The following NKAIN2 variants were observed in gnomAD, a reference collection of about 807,000 sequenced individuals.
NKAIN2 encodes the protein sodium/potassium transporting ATPase interacting 2, also known as sodium/potassium-transporting ATPase subunit beta-1-interacting protein 2.
A neutral mutation model predicts 32.6 loss-of-function variants in NKAIN2; 14 were observed. The ratio of observed to expected loss-of-function variants is 0.43; its 90% CI spans 0.28 to 0.67. The LOEUF is 0.67. Ranked by LOEUF, NKAIN2 falls within the 30% of genes least tolerant of loss-of-function variation. The pLI is 0.17. For missense variants in NKAIN2, 198 were observed against 258.3 expected, an observed-to-expected ratio of 0.77 and a Z score of 1.60; for synonymous variants, 80 against 87.2, an observed-to-expected ratio of 0.92 and a Z score of 0.46.
At chr6:124,244,616 A>G (rs1289576620) in intron 1 of NKAIN2, among the ~76,000 whole-genome samples, 4 of 151,978 alleles carry the variant, frequency 2.6e-5, no homozygotes, top group Non-Finnish European at 4.4e-5. Flanking sequence ...CAAAATACAA[A>G]CGGGTATCCA....
chr6:124,656,450 C>G (rs762355853), intron 3 of NKAIN2, among the ~76,000 whole-genome samples: 1 of 151,974 alleles, frequency 6.6e-6, no homozygotes, highest in Non-Finnish European at 1.5e-5. Flanking sequence ...GATCTCAGAC[C>G]CCACCATGCT....
chr6:124,435,215 A>G (rs1473599506), intron 3 of NKAIN2, among the ~76,000 whole-genome samples: 1 of 152,148 alleles, frequency 6.6e-6, no homozygotes, highest in African/African-American at 2.4e-5. Flanking sequence ...GCGTTCCCAG[A>G]CAAGAAATAG....
intron 1 of NKAIN2, among the ~76,000 whole-genome samples, chr6:123,911,880 C>T (rs1377016582): frequency 1.4e-5 from 2 of 147,144 alleles, no homozygotes; most frequent in Non-Finnish European, 3.0e-5. Flanking sequence ...CCCCAACCCC[C>T]AAGGGCATAT....
rs536521175 is a variant in NKAIN2, at chr6:123,983,435, T to C, written c.54+179181T>C. 1.1e-4 allele frequency among the ~76,000 whole-genome samples: 17 copies of C among 152,300 alleles called. 1 individual carries two copies. In the South Asian group the frequency reaches 3.5e-3, roughly 32 times the overall value. ...ATACAGTGCCCTTCCAGCCATACAA[T>C]TCTATGTCTGCAGACATCTGTGCAA... On this transcript the variant is annotated intron_variant, in intron 1 of 6. Transcript: ENST00000368417.
intron 1 of NKAIN2, among the ~76,000 whole-genome samples, chr6:124,096,127 G>T (rs1421470978): frequency 6.6e-6 from 1 of 152,140 alleles, no homozygotes; most frequent in Non-Finnish European, 1.5e-5. Flanking sequence ...TCTACTTGCT[G>T]CTCTGTTTGA....
At chr6:124,629,438 A>T (rs1162471159) in intron 3 of NKAIN2, among the ~76,000 whole-genome samples, 1 of 152,164 alleles carries the variant, frequency 6.6e-6, no homozygotes, top group African/African-American at 2.4e-5. Context: ...TATACTCAAA[A>T]CTATTTCCCA....
At chr6:124,217,488 C>T (rs1791539728) in intron 1 of NKAIN2, among the ~76,000 whole-genome samples, 1 of 151,544 alleles carries the variant, frequency 6.6e-6, no homozygotes, top group Non-Finnish European at 1.5e-5. Context: ...ATAAATTATA[C>T]TAAAAACGAT....
intron 3 of NKAIN2, among the ~76,000 whole-genome samples, chr6:124,452,300 A>T (rs1042624133): frequency 6.6e-6 from 1 of 152,062 alleles, no homozygotes; most frequent in African/African-American, 2.4e-5. Flanking sequence ...TGCAAACCTC[A>T]GTTTGTTGAC....
At chr6:124,507,028 A>C (rs1159960462) in intron 3 of NKAIN2, among the ~76,000 whole-genome samples, 2 of 152,244 alleles carry the variant, frequency 1.3e-5, no homozygotes, top group African/African-American at 4.8e-5. Context: ...CTCTAGTTTT[A>C]GTGACATCCC....
intron 4 of NKAIN2, among the ~76,000 whole-genome samples, chr6:124,669,682 C>T (rs1379479680): frequency 2.6e-5 from 4 of 152,086 alleles, no homozygotes; most frequent in Admixed American, 2.0e-4. Flanking sequence ...AGGAAGCTAG[C>T]TTACATATAT....
chr6:124,099,422 G>A (rs1554254621), intron 1 of NKAIN2, among the ~76,000 whole-genome samples: 6 of 152,262 alleles, frequency 3.9e-5, no homozygotes, highest in Admixed American at 2.6e-4. Flanking sequence ...TCACAAAATT[G>A]CTGTCTATCT....
chr6:124,359,152 A>C (rs188257164), intron 3 of NKAIN2, among the ~76,000 whole-genome samples: 1 of 152,150 alleles, frequency 6.6e-6, no homozygotes, highest in Non-Finnish European at 1.5e-5. Context: ...TGGTACCAGT[A>C]TCATGCTGTT....
chr6:123,846,734 C>T (rs1317363183), intron 1 of NKAIN2, among the ~76,000 whole-genome samples: 1 of 152,116 alleles, frequency 6.6e-6, no homozygotes, highest in East Asian at 1.9e-4. Flanking sequence ...TCTTCAAACC[C>T]AGGCTTCCTG....
intron 1 of NKAIN2, among the ~76,000 whole-genome samples, chr6:123,983,202 A>G (rs1778981140): frequency 6.6e-6 from 1 of 152,162 alleles, no homozygotes; most frequent in Non-Finnish European, 1.5e-5. Flanking sequence ...ATTTGGAAAT[A>G]CCTGTGGGAC....
chr6:124,463,748 C>A (rs1159554398), intron 3 of NKAIN2, among the ~76,000 whole-genome samples: 1 of 152,070 alleles, frequency 6.6e-6, no homozygotes, highest in African/African-American at 2.4e-5. Context: ...CTGTACAGGG[C>A]TATTACTAAA....
chr6:124,526,804 T>C (rs1033182665), intron 3 of NKAIN2, among the ~76,000 whole-genome samples: 1 of 152,184 alleles, frequency 6.6e-6, no homozygotes, highest in Non-Finnish European at 1.5e-5. Flanking sequence ...TTATTTTTTT[T>C]ACATCACTAT....
chr6:124,732,671 T>C (rs965892070), intron 4 of NKAIN2, among the ~76,000 whole-genome samples: 6 of 152,046 alleles, frequency 3.9e-5, no homozygotes, highest in African/African-American at 1.2e-4. Context: ...GGTGATATCC[T>C]GGTTGTGATA....
chr6:123,877,565 C>T (rs1773225413), intron 1 of NKAIN2, among the ~76,000 whole-genome samples: 1 of 152,184 alleles, frequency 6.6e-6, no homozygotes, highest in Non-Finnish European at 1.5e-5. Flanking sequence ...CAGGTTCAGT[C>T]CCATGCACTC....
chr6:123,999,254 A>G (rs534705615), intron 1 of NKAIN2, among the ~76,000 whole-genome samples: 72 of 152,246 alleles, frequency 4.7e-4, no homozygotes, highest in African/African-American at 1.7e-3. Flanking sequence ...ATTCATGAAA[A>G]TGAGATCCTG....
Sources: allele counts gnomAD v4.1 joint callset (sites outside exome capture counted in the v4.1 genomes callset), GRCh38; gene constraint gnomAD v4.1.1; transcripts MANE v1.5; gene names NCBI Gene and HGNC (gene_info 2026-07-23, HGNC 2026-07-21).